The following DKK2 variants were observed in gnomAD, a reference collection of about 807,000 sequenced individuals.
The protein encoded by DKK2 is dickkopf-related protein 2.
In DKK2, 11 loss-of-function variants were observed where a neutral mutation model predicts 28.1. The observed-to-expected ratio is 0.39, with a 90% CI of 0.25 to 0.65. The LOEUF (loss-of-function observed/expected upper bound fraction) is 0.65. Among genes scored for constraint, DKK2 ranks in the 30% least tolerant of loss-of-function variants. The pLI, the probability that DKK2 is intolerant of heterozygous loss-of-function variation, is 0.47. For synonymous variants in DKK2, 135 were observed against 126.5 expected (o/e 1.07, Z -0.45); for missense variants, 326 against 335.5 (o/e 0.97, Z 0.22).
chr4:107,007,224 T>C (rs1723450439), intron 1 of DKK2, among the ~76,000 whole-genome samples: 2 of 152,156 alleles, frequency 1.3e-5, no homozygotes, highest in Non-Finnish European at 2.9e-5. Context: ...CTGATGCTTC[T>C]ACATGGAATT....
intron 1 of DKK2, among the ~76,000 whole-genome samples, chr4:106,983,564 G>A (rs1406762350): frequency 6.6e-6 from 1 of 152,068 alleles, no homozygotes; most frequent in Non-Finnish European, 1.5e-5. Context: ...ATTTGATACC[G>A]AAAGCACGGT....
intron 1 of DKK2, among the ~76,000 whole-genome samples, chr4:106,935,904 T>C (rs1724579464): frequency 6.6e-6 from 1 of 151,990 alleles, no homozygotes; most frequent in African/African-American, 2.4e-5. Flanking sequence ...CAGCTGAGGG[T>C]CCTGTCCGTT....
chr4:107,031,822 GA>G (rs1266722212), intron 1 of DKK2, among the ~76,000 whole-genome samples: 1 of 151,892 alleles, frequency 6.6e-6, no homozygotes, highest in East Asian at 1.9e-4. Flanking sequence ...TGCAAAGCTT[GA>G]TTTTTTTAGT....
intron 1 of DKK2, among the ~76,000 whole-genome samples, chr4:107,000,428 A>G (rs1723342740): frequency 6.6e-6 from 1 of 152,188 alleles, no homozygotes. Flanking sequence ...TTGTAACTCT[A>G]GACACTAAAC....
rs201073614 is a variant in DKK2 at position 106,925,949 on chromosome 4, C to T, written c.223G>A (p.Ala75Thr). 238 of 1,600,162 alleles carry T rather than the reference C, an allele frequency of 1.5e-4. 1 individual carries two copies. The highest frequency in any genetic ancestry group is 7.3e-4 in the South Asian group (65 of 89,110). The change falls in exon 2 of 4, where the codon GCC (alanine) becomes ACC (threonine). Residue 75 changes from alanine to threonine, a missense_variant and splice_region_variant. By Grantham distance (58) the Ala-to-Thr change is moderately conservative (BLOSUM62 0). Coordinates refer to ENST00000285311, the MANE Select transcript of DKK2 (RefSeq NM_014421.3). ...TCCTTATCACTGCTACAAGGGTAGG[C>T]CTGTCATCAAGTGGAACAACACCAG... is the stretch of plus-strand genomic sequence containing the variant. The part of the protein sequence containing the change: ...GSKKGKNLGQ[A>T]YPCSSDKECE...
In DKK2 at chr4:107,035,437, T is replaced by C; in HGVS notation, c.155A>G (p.Asn52Ser). 1.2e-6 allele frequency: 2 copies of C among 1,614,188 alleles called. No individual in the cohort carries two copies. Among genetic ancestry groups the C allele is most frequent in the Non-Finnish European group, 1.7e-6 (2 of 1,180,038 alleles). Residue 52 changes from asparagine (N) to serine (S), a missense_variant, in exon 1 of 4, where the codon AAT becomes AGT. Physicochemically the swap from Asn to Ser is conservative, Grantham distance 46 (BLOSUM62 1). Coordinates refer to ENST00000285311, the MANE Select transcript of DKK2 (RefSeq NM_014421.3). Reference sequence around the variant, plus strand: ...TCCTTGGTACATGCCCGCAGATCGATTGGCGGCCTGACCAGGCGTCTCCCC... The same window carrying C: ...TCCTTGGTACATGCCCGCAGATCGACTGGCGGCCTGACCAGGCGTCTCCCC... ...LGGETPGQAA[N>S]RSAGMYQGLA...
intron 1 of DKK2, among the ~76,000 whole-genome samples, chr4:106,966,313 A>G (rs1409498962): frequency 6.6e-6 from 1 of 151,544 alleles, no homozygotes; most frequent in East Asian, 1.9e-4. Flanking sequence ...TTCTCTGAAG[A>G]ATAATAAATG....
intron 1 of DKK2, among the ~76,000 whole-genome samples, chr4:107,032,302 C>T (rs1410081309): frequency 6.6e-6 from 1 of 151,950 alleles, no homozygotes; most frequent in Non-Finnish European, 1.5e-5. Context: ...AATGTAACAC[C>T]TCTGGAGAAC....
intron 1 of DKK2, among the ~76,000 whole-genome samples, chr4:107,016,684 G>T (rs1183260390): frequency 6.6e-6 from 1 of 151,972 alleles, no homozygotes; most frequent in South Asian, 2.1e-4. Context: ...TTTGAAGATA[G>T]AGCTAAGGGG....
chr4:106,958,284 A>C lies in DKK2; in HGVS notation c.223-32335T>G, dbSNP rs75881072. On this transcript the variant is annotated intron_variant, in intron 1 of 3. Coordinates refer to ENST00000285311, the MANE Select transcript of DKK2 (RefSeq NM_014421.3). ...TTTTCTAAAAGGATTAGTCAAAACTAGATGCAAACCCGAGATCTATGAGAA... is the reference window on the plus strand; with the variant it reads ...TTTTCTAAAAGGATTAGTCAAAACTCGATGCAAACCCGAGATCTATGAGAA... Among the ~76,000 whole-genome samples, 780 of 152,162 alleles carry C rather than the reference A, an allele frequency of 5.1e-3. 4 individuals are homozygous for C. Among genetic ancestry groups the C allele is most frequent in the African/African-American group, 0.017 (725 of 41,544 alleles).
chr4:106,951,839 G>GTTTTAAAAGTTTA, intron 1 of DKK2, among the ~76,000 whole-genome samples: 1 of 152,184 alleles, frequency 6.6e-6, no homozygotes, highest in South Asian at 2.1e-4. Context: ...AAAATTTTCT[G>GTTTTAAAAGTTTA]CAAAATATGG....
intron 1 of DKK2, among the ~76,000 whole-genome samples, chr4:106,981,970 T>A (rs1190012031): frequency 3.3e-5 from 5 of 152,216 alleles, no homozygotes. Context: ...CAAATATTTA[T>A]GTGCTCAATA....
chr4:106,973,480 A>G (rs1391063809), intron 1 of DKK2, among the ~76,000 whole-genome samples: 1 of 152,216 alleles, frequency 6.6e-6, no homozygotes, highest in Non-Finnish European at 1.5e-5. Flanking sequence ...CATTTCTCTA[A>G]TGACCAGTGA....
chr4:106,929,133 A>G (rs1724465280), intron 1 of DKK2, among the ~76,000 whole-genome samples: 1 of 152,228 alleles, frequency 6.6e-6, no homozygotes, highest in Non-Finnish European at 1.5e-5. Context: ...CAAGCAACAA[A>G]TAAGCTTGAA....
At chr4:107,028,487 C>T (rs1210080538) in intron 1 of DKK2, among the ~76,000 whole-genome samples, 2 of 152,032 alleles carry the variant, frequency 1.3e-5, no homozygotes, top group Non-Finnish European at 2.9e-5. Context: ...GTGATCCTCA[C>T]CATTGCCCAG....
intron 1 of DKK2, among the ~76,000 whole-genome samples, chr4:106,969,551 A>G (rs1025525926): frequency 6.6e-6 from 1 of 152,086 alleles, no homozygotes. Context: ...TGTTTAAAAA[A>G]AGACAGGAGT....
chr4:106,955,349 A>G (rs1310772391), intron 1 of DKK2, among the ~76,000 whole-genome samples: 4 of 152,296 alleles, frequency 2.6e-5, no homozygotes, highest in African/African-American at 9.6e-5. Context: ...CAATTTCTGA[A>G]AATAATGTAA....
chr4:106,927,012 T>C (rs1724434097), intron 1 of DKK2, among the ~76,000 whole-genome samples: 1 of 152,194 alleles, frequency 6.6e-6, no homozygotes, highest in African/African-American at 2.4e-5. Flanking sequence ...CCTTTTTTTC[T>C]TTTTTGAAGT....
At chr4:106,961,257 T>G (rs922969508) in intron 1 of DKK2, among the ~76,000 whole-genome samples, 4 of 152,136 alleles carry the variant, frequency 2.6e-5, no homozygotes, top group Non-Finnish European at 5.9e-5. Flanking sequence ...GTTCTAAAAT[T>G]GTAATCCGAA....
Sources: gnomAD v4.1 joint callset for allele counts (sites outside exome capture counted in the v4.1 genomes callset) on GRCh38, gnomAD v4.1.1 for gene constraint, MANE v1.5 for transcripts, NCBI Gene and HGNC (gene_info 2026-07-23, HGNC 2026-07-21) for gene names.